PDE3A: variants seen among roughly 807,000 people sequenced by gnomAD.
PDE3A encodes phosphodiesterase 3A.
Under a neutral mutation model 98.3 loss-of-function variants are expected in PDE3A, and 43 were observed. The ratio of observed to expected loss-of-function variants is 0.44; its 90% confidence interval spans 0.34 to 0.56. PDE3A has a LOEUF of 0.56. PDE3A is among the 20% of genes least tolerant of loss of function. The pLI, the probability that PDE3A is intolerant of heterozygous loss-of-function variation, is 0.01. For missense variants in PDE3A, 1,427 were observed against 1,440.7 expected, an observed-to-expected ratio of 0.99 and a Z score of 0.15; for synonymous variants, 663 against 567.9, an observed-to-expected ratio of 1.17 and a Z score of -2.38.
At chr12:20,486,011 A>G (rs1234722192) in intron 1 of PDE3A, among the ~76,000 whole-genome samples, 1 of 152,214 alleles carries the variant, frequency 6.6e-6, no homozygotes, top group Non-Finnish European at 1.5e-5. Context: ...TTCTCCTAAT[A>G]AAATCCAAGG....
At chr12:20,597,177 G>A (rs925163052) in intron 2 of PDE3A, among the ~76,000 whole-genome samples, 1 of 152,160 alleles carries the variant, frequency 6.6e-6, no homozygotes, top group Non-Finnish European at 1.5e-5. Flanking sequence ...AAACTGTAGT[G>A]TATTACACCT....
chr12:20,572,293 C>T, intron 2 of PDE3A: 2 of 257,758 alleles, frequency 7.8e-6, no homozygotes, highest in South Asian at 9.2e-5. Context: ...GATAAACTGG[C>T]TCAGTGTATT....
At chr12:20,383,415 C>T (rs1480755159) in intron 1 of PDE3A, among the ~76,000 whole-genome samples, 1 of 151,862 alleles carries the variant, frequency 6.6e-6, no homozygotes, top group Non-Finnish European at 1.5e-5. Flanking sequence ...ACAGCTAAGC[C>T]CTGGCTCAGC....
At chr12:20,464,461 C>A (rs750191644) in intron 1 of PDE3A, among the ~76,000 whole-genome samples, 1 of 151,998 alleles carries the variant, frequency 6.6e-6, no homozygotes, top group African/African-American at 2.4e-5. Context: ...GTTGTTTTTT[C>A]CCATTGCTTG....
intron 1 of PDE3A, among the ~76,000 whole-genome samples, chr12:20,493,540 T>A (rs779013041): frequency 6.6e-5 from 10 of 152,282 alleles, no homozygotes; most frequent in Non-Finnish European, 1.3e-4. Context: ...AAGGGTTGAC[T>A]ATATGTACAT....
chr12:20,668,834 A>G (rs1206018506), intron 15 of PDE3A, among the ~76,000 whole-genome samples: 1 of 151,868 alleles, frequency 6.6e-6, no homozygotes, highest in African/African-American at 2.4e-5. Flanking sequence ...CAGCAACGGA[A>G]CAAAGCTAGA....
chr12:20,400,379 G>GTTTTTTTTTTTTTTTTTTTTTT (rs75851941), intron 1 of PDE3A, among the ~76,000 whole-genome samples: 7 of 110,292 alleles, frequency 6.3e-5, no homozygotes, highest in Admixed American at 9.7e-5. Context: ...GTTAACATTG[G>GTTTTTTTTTTTTTTTTTTTTTT]TTTTTTTTTT....
intron 2 of PDE3A, among the ~76,000 whole-genome samples, chr12:20,588,363 A>C (rs1482186832): frequency 6.6e-6 from 1 of 152,156 alleles, no homozygotes; most frequent in East Asian, 1.9e-4. Context: ...AGTGGCTCTG[A>C]TAAGGGACAC....
intron 2 of PDE3A, among the ~76,000 whole-genome samples, chr12:20,588,392 G>GT (rs1943240340): frequency 6.6e-6 from 1 of 152,158 alleles, no homozygotes; most frequent in South Asian, 2.1e-4. Context: ...AGAATGCCAT[G>GT]TTTCACTGTC....
chr12:20,523,759 G>T (rs1273468558), intron 1 of PDE3A, among the ~76,000 whole-genome samples: 1 of 152,178 alleles, frequency 6.6e-6, no homozygotes, highest in Admixed American at 6.5e-5. Context: ...ATGTAGGAAT[G>T]TATCACTTAA....
Position 20,635,027 on chromosome 12 carries a change from A to C in PDE3A, c.1972A>C (p.Thr658Pro). The change falls in exon 8 of 16, where the codon ACC (threonine) becomes CCC (proline). Residue 658 changes from threonine to proline, a missense_variant. Around this residue, in one of 3 missense-constraint regions of PDE3A, gnomAD observed 1,012 missense variants for 886.5 expected, o/e 1.14. Coordinates refer to ENST00000359062, the MANE Select transcript of PDE3A (RefSeq NM_000921.5). ...EPLRKASACS[T>P]YAPETMMFLD... ...TCTGAGGAAAGCATCGGCTTGCAGC[A>C]CCTATGCTCCTGAGACCATGATGTT... The C allele has an allele frequency of 6.2e-7, 1 of 1,613,730 alleles. No individual in the cohort carries two copies. The highest frequency in any genetic ancestry group is 8.5e-7 in the Non-Finnish European group (1 of 1,179,748).
rs774559829 is a variant in PDE3A at position 20,621,397 on chromosome 12, A to C, written c.1526A>C (p.Lys509Thr). The change falls in exon 5 of 16, where the codon AAG becomes ACG. Residue 509 changes from lysine to threonine, a missense_variant. By Grantham distance (78) the Lys-to-Thr change is moderately conservative (BLOSUM62 -1). Around this residue, in one of 3 missense-constraint regions of PDE3A, gnomAD observed 1,012 missense variants for 886.5 expected, o/e 1.14. Coordinates refer to ENST00000359062, the MANE Select transcript of PDE3A (RefSeq NM_000921.5). ...ISAANHVKAKKQSRPGALAKI... is the reference protein window; with the variant it reads ...ISAANHVKAKTQSRPGALAKI... ...GCAGCTAACCATGTAAAGGCTAAAA[A>C]GCAAAGTCGACCAGGTAAGTAACTT... The C allele has an allele frequency of 2.5e-6, 4 of 1,598,866 alleles. No individual in the cohort carries two copies. Among genetic ancestry groups the C allele is most frequent in the Non-Finnish European group, 3.4e-6 (4 of 1,166,334 alleles).
chr12:20,440,589 A>G (rs1246833533), intron 1 of PDE3A, among the ~76,000 whole-genome samples: 1 of 152,192 alleles, frequency 6.6e-6, no homozygotes, highest in African/African-American at 2.4e-5. Flanking sequence ...CATCACTTAC[A>G]TAACACTTCT....
At chr12:20,601,039 G>A (rs1271094514) in intron 2 of PDE3A, among the ~76,000 whole-genome samples, 1 of 152,150 alleles carries the variant, frequency 6.6e-6, no homozygotes, top group Non-Finnish European at 1.5e-5. Flanking sequence ...CCACACTGGG[G>A]GAATGAAACC....
intron 1 of PDE3A, among the ~76,000 whole-genome samples, chr12:20,472,249 C>A (rs1016142890): frequency 1.3e-5 from 2 of 152,150 alleles, no homozygotes. Context: ...AAAGCAATTC[C>A]CATTGTCTTC....
chr12:20,564,149 A>G (rs1480114688), intron 2 of PDE3A, among the ~76,000 whole-genome samples: 1 of 152,074 alleles, frequency 6.6e-6, no homozygotes, highest in East Asian at 1.9e-4. Context: ...ACCCACTAGT[A>G]TATTAGTTCT....
Position 20,369,181 on chromosome 12 carries a change from G to C in PDE3A, c.-104G>C, listed in dbSNP as rs1005757905. The C allele has an allele frequency of 1.6e-6, 1 of 631,270 alleles. No individual in the cohort carries two copies. The highest frequency in any genetic ancestry group is 2.5e-6 in the Non-Finnish European group (1 of 406,166). The allele number at this position is 631,270 out of a possible 1,614,324, so 39.1% of individuals were successfully genotyped here. ...GATTCCGAGGGTGGAATTGGGAAGA[G>C]CGTGCGTGCGTGTGTGTGTGTGTGT... is the stretch of plus-strand genomic sequence containing the variant. On this transcript the variant is annotated 5_prime_UTR_variant, in exon 1 of 16. Transcript: ENST00000359062.
At chr12:20,406,589 G>A (rs951267480) in intron 1 of PDE3A, among the ~76,000 whole-genome samples, 3 of 152,070 alleles carry the variant, frequency 2.0e-5, no homozygotes, top group Non-Finnish European at 4.4e-5. Flanking sequence ...ATAAGTTCCC[G>A]ATATATTTTG....
intron 1 of PDE3A, among the ~76,000 whole-genome samples, chr12:20,393,320 A>G (rs1185303228): frequency 6.6e-6 from 1 of 151,944 alleles, no homozygotes; most frequent in Non-Finnish European, 1.5e-5. Context: ...CAGAGAGCCA[A>G]GAGAAAAAGT....
Sources: allele counts gnomAD v4.1 joint callset (sites outside exome capture counted in the v4.1 genomes callset), GRCh38; gene constraint gnomAD v4.1.1; regional missense constraint gnomAD v4.1.1; transcripts MANE v1.5; gene names NCBI Gene and HGNC (gene_info 2026-07-23, HGNC 2026-07-21).